Variants in HIPK1 observed in about 807,000 individuals in gnomAD.
The protein encoded by HIPK1 is homeodomain-interacting protein kinase 1.
Under a neutral mutation model 117.1 loss-of-function variants are expected in HIPK1, and 28 were observed. That is an observed-to-expected ratio of 0.24 (90% CI 0.18 to 0.33). The LOEUF (loss-of-function observed/expected upper bound fraction) is 0.33. Among genes scored for constraint, HIPK1 ranks in the 10% least tolerant of loss-of-function variants. HIPK1 has a pLI of 1.00. For synonymous variants in HIPK1, 605 were observed against 562.5 expected, an observed-to-expected ratio of 1.08 and a Z score of -1.07; for missense variants, 1,122 against 1,475.1, an observed-to-expected ratio of 0.76 and a Z score of 3.92.
At chr1:113,968,885 G>T (rs1672637094) in intron 13 of HIPK1, among the ~76,000 whole-genome samples, 1 of 152,158 alleles carries the variant, frequency 6.6e-6, no homozygotes, top group African/African-American at 2.4e-5. Context: ...GCAGGGCGTG[G>T]TGGCACATGT....
chr1:113,939,189 C>G lies in HIPK1; in HGVS notation c.-2-1193C>G, dbSNP rs1159607891. The stretch of plus-strand genomic sequence containing the variant: ...CTTTTTTTTGAGACAGGGTGTCATT[C>G]TTTCACCCTGGCTGGAGTGCAGTGG... On this transcript the variant is annotated intron_variant, in intron 1 of 15. Transcript: ENST00000426820. 2.6e-5 allele frequency among the ~76,000 whole-genome samples: 4 copies of G among 151,910 alleles called. No individual in the cohort carries two copies. The East Asian group carries it at 7.7e-4, about 29-fold the overall frequency.
At chr1:113,945,850 A>G (rs574833467) in intron 2 of HIPK1, among the ~76,000 whole-genome samples, 1 of 152,218 alleles carries the variant, frequency 6.6e-6, no homozygotes, top group South Asian at 2.1e-4. Context: ...GTCCATATAA[A>G]TTTTAGGATG....
intron 2 of HIPK1, among the ~76,000 whole-genome samples, chr1:113,944,159 G>GTTTCTTTTT (rs1670827949): frequency 1.8e-5 from 1 of 55,218 alleles, no homozygotes; most frequent in African/African-American, 8.7e-5. Context: ...ATAGCCATGG[G>GTTTCTTTTT]TTTTTTTTTT....
chr1:113,943,378 A>G (rs1670779088), intron 2 of HIPK1, among the ~76,000 whole-genome samples: 1 of 152,230 alleles, frequency 6.6e-6, no homozygotes, highest in African/African-American at 2.4e-5. Context: ...GTGGAATCAT[A>G]CAATATTTGT....
At chr1:113,964,882 T>A (rs1235135596) in intron 10 of HIPK1, among the ~76,000 whole-genome samples, 3 of 152,248 alleles carry the variant, frequency 2.0e-5, no homozygotes, top group Admixed American at 2.0e-4. Context: ...GTTCTTCCTC[T>A]GTCAAAACAG....
rs1420655993 is a variant in HIPK1 at position 113,973,464 on chromosome 1, T to G, written c.3585T>G (p.Thr1195=). 6.2e-7 allele frequency: 1 copy of G among 1,612,202 alleles called. No homozygotes were observed. Among genetic ancestry groups the G allele is most frequent in the Non-Finnish European group, 8.5e-7 (1 of 1,178,914 alleles). ...CTTCCCGAGGCTCAACAATTTACAC[T>G]GGATACCCGCTGAGTCCTACCAAGA... is the stretch of plus-strand genomic sequence containing the variant. ...IGSSRGSTIY[T]GYPLSPTKIS... Residue 1195 remains threonine (T), a synonymous_variant, in exon 16 of 16, where the codon ACT becomes ACG. Transcript: ENST00000426820.
At position 113,977,510 on chromosome 1, in the gene HIPK1, C is replaced by G. The variant is rs2101546033; in HGVS notation, c.*3998C>G. The G allele has an allele frequency of 6.5e-6, 1 of 152,732 alleles. No homozygotes were observed. Among genetic ancestry groups the G allele is most frequent in the East Asian group, 1.9e-4 (1 of 5,320 alleles). 9.5% of individuals were successfully genotyped at this position (152,732 alleles called of 1,614,324 possible). A position where few individuals can be genotyped will look rare whatever the true frequency, so the allele number is the denominator to read the frequency against. ...CTCCCTTTTTTTGGTTGTGCGCTTT[C>G]TTTTACAACAAGCCTCTAGAAACAG... is the stretch of plus-strand genomic sequence containing the variant. On this transcript the variant is annotated 3_prime_UTR_variant, in exon 16 of 16. Transcript: ENST00000426820.
At chr1:113,953,753 A>T (rs1211786920) in intron 3 of HIPK1, 1 of 152,196 alleles carries the variant, frequency 6.6e-6, no homozygotes, top group Admixed American at 6.5e-5. Context: ...TCCTGACTTC[A>T]GGTGATCCAC....
chr1:113,940,556 C>T lies in HIPK1; in HGVS notation c.173C>T (p.Ser58Phe), dbSNP rs750699767. 1.2e-6 allele frequency: 2 copies of T among 1,614,132 alleles called. No individual in the cohort carries two copies. The highest frequency in any genetic ancestry group is 1.7e-6 in the Non-Finnish European group (2 of 1,180,020). The change falls in exon 2 of 16, where the codon TCC becomes TTC. Residue 58 changes from serine to phenylalanine, a missense_variant. Ser to Phe is a radical substitution (Grantham distance 155). Transcript: ENST00000426820. Reference protein sequence around the residue: ...TLPATQGQANSSHQVANFNIP... With the variant: ...TLPATQGQANFSHQVANFNIP... ...CCAGCCACACAAGGGCAAGCCAACT[C>T]CTCTCACCAGGTAGCAAATTTCAAC... is the stretch of plus-strand genomic sequence containing the variant.
chr1:113,964,896 G>A (rs1558145709), intron 10 of HIPK1, among the ~76,000 whole-genome samples: 4 of 152,302 alleles, frequency 2.6e-5, no homozygotes, highest in Admixed American at 2.0e-4. Context: ...AAAACAGTTC[G>A]TCGCTTGGAA....
chr1:113,955,564 C>T lies in HIPK1; in HGVS notation c.1322C>T (p.Thr441Ile). 3.2e-6 allele frequency: 5 copies of T among 1,542,572 alleles called. No homozygotes were observed. The highest frequency in any genetic ancestry group is 4.5e-6 in the Non-Finnish European group (5 of 1,120,024). The part of the protein sequence containing the change: ...NLGYPLWRLK[T>I]PEEHELETGI... ...AGGAGGAAAATCTTTATTTTATAGA[C>T]ACCTGAAGAACATGAACTGGAGACT... The change falls in exon 5 of 16, where the codon ACA becomes ATA. Residue 441 changes from threonine to isoleucine, a missense_variant and splice_region_variant. Transcript: ENST00000426820.
At chr1:113,970,486 A>C (rs575729725) in intron 14 of HIPK1, among the ~76,000 whole-genome samples, 1 of 152,250 alleles carries the variant, frequency 6.6e-6, no homozygotes, top group Non-Finnish European at 1.5e-5. Context: ...TTGCAAGAAG[A>C]ATTAGCAGGC....
At chr1:113,962,528 T>C in intron 9 of HIPK1, 90 bp downstream of exon 9, 1 of 1,285,898 alleles carries the variant, frequency 7.8e-7, no homozygotes, top group South Asian at 1.4e-5. Context: ...TTCCTTTGAC[T>C]ATAAGATCTT....
intron 14 of HIPK1, among the ~76,000 whole-genome samples, chr1:113,971,267 T>C (rs1022008668): frequency 6.6e-6 from 1 of 152,208 alleles, no homozygotes; most frequent in Non-Finnish European, 1.5e-5. Flanking sequence ...GTCCAGAGAA[T>C]ATAGGCTATC....
intron 2 of HIPK1, among the ~76,000 whole-genome samples, chr1:113,944,486 T>C (rs1187524299): frequency 6.7e-6 from 1 of 149,986 alleles, no homozygotes. Context: ...TTTTTGTTTT[T>C]TTTTTGTTTT....
Position 113,973,396 on chromosome 1 carries a change from G to T in HIPK1, c.3517G>T (p.Ala1173Ser), listed in dbSNP as rs774940094. Reference sequence around the variant, plus strand: ...CCTCACTTCTGCCAGCGTGGCCCCTGCTCAGTACCAACACCAGTTTGCCAC... The same window carrying T: ...CCTCACTTCTGCCAGCGTGGCCCCTTCTCAGTACCAACACCAGTTTGCCAC... ...SLLTSASVAP[A>S]QYQHQFATQS... The change falls in exon 16 of 16, where the codon GCT becomes TCT. Residue 1173 changes from alanine (A) to serine (S), a missense_variant. Ala to Ser is a moderately conservative substitution (Grantham distance 99). Transcript: ENST00000426820. The T allele has an allele frequency of 8.1e-6, 13 of 1,614,132 alleles. No homozygotes were observed. Among genetic ancestry groups the T allele is most frequent in the Non-Finnish European group, 1.0e-5 (12 of 1,180,012 alleles).
intron 5 of HIPK1, among the ~76,000 whole-genome samples, chr1:113,956,369 G>A (rs1017025051): frequency 1.4e-4 from 22 of 151,980 alleles, no homozygotes; most frequent in African/African-American, 4.1e-4. Flanking sequence ...ATGAGCCACC[G>A]CGCCCAGCCC....
rs1307010983 is a variant in HIPK1 at position 113,956,699 on chromosome 1, C to A, written c.1480C>A (p.Leu494Met). ...EKADRREYID[L>M]LKKMLTIDAD... is the part of the protein sequence containing the mutation. ...GGCAGACCGAAGAGAATACATTGAT[C>A]TGTTAAAGAAAATGCTCACAATTGA... The change falls in exon 6 of 16, where the codon CTG becomes ATG. Residue 494 changes from leucine (L) to methionine (M), a missense_variant. By Grantham distance (15) the Leu-to-Met change is conservative. This residue lies in a region of HIPK1 where 127 missense variants were observed against 197.9 expected (regional missense o/e 0.64). Coordinates refer to ENST00000426820, the MANE Select transcript of HIPK1 (RefSeq NM_198268.3). 3.7e-6 allele frequency: 6 copies of A among 1,613,782 alleles called. No individual in the cohort carries two copies. Among genetic ancestry groups the A allele is most frequent in the Non-Finnish European group, 5.1e-6 (6 of 1,179,794 alleles).
chr1:113,947,505 CCTCT>C (rs1671062945), intron 2 of HIPK1, among the ~76,000 whole-genome samples: 1 of 152,136 alleles, frequency 6.6e-6, no homozygotes, highest in African/African-American at 2.4e-5. Context: ...TTTTATGTAA[CCTCT>C]CTAATTGGTA....
Sources: gnomAD v4.1 joint callset for allele counts (sites outside exome capture counted in the v4.1 genomes callset) on GRCh38, gnomAD v4.1.1 for gene constraint, gnomAD v4.1.1 regional missense constraint, MANE v1.5 for transcripts, NCBI Gene and HGNC (gene_info 2026-07-23, HGNC 2026-07-21) for gene names.